CNTNAP5: variants seen among roughly 807,000 people sequenced by gnomAD.
The protein encoded by CNTNAP5 is contactin-associated protein-like 5.
Under a neutral mutation model 150.2 loss-of-function variants are expected in CNTNAP5, and 72 were observed. That is an observed-to-expected ratio of 0.48 (90% CI 0.40 to 0.58). CNTNAP5 has a LOEUF of 0.58. CNTNAP5 is among the 20% of genes least tolerant of loss of function. The probability of loss-of-function intolerance (pLI) is 0.00; values close to 1 mark genes in which losing one functional copy is unlikely to be tolerated. For missense variants in CNTNAP5, 1,636 were observed against 1,626.2 expected, an observed-to-expected ratio of 1.01 and a Z score of -0.10; for synonymous variants, 672 against 619.8, an observed-to-expected ratio of 1.08 and a Z score of -1.25.
At chr2:124,723,891 A>C (rs758033136) in intron 13 of CNTNAP5, among the ~76,000 whole-genome samples, 1 of 152,076 alleles carries the variant, frequency 6.6e-6, no homozygotes, top group Non-Finnish European at 1.5e-5. Context: ...CATGCCTGTA[A>C]TCCCAGCACT....
rs183506796 is a variant in CNTNAP5 at position 124,518,802 on chromosome 2, C to G, written c.1328-5501C>G. ...AGGAGTTCAAGACCAGCCTGGCCAACGTTATGAAACCCCATCTCTACTAAA... is the reference window on the plus strand; with the variant it reads ...AGGAGTTCAAGACCAGCCTGGCCAAGGTTATGAAACCCCATCTCTACTAAA... On this transcript the variant is annotated intron_variant, in intron 8 of 23. Transcript: ENST00000682447. 3.8e-3 allele frequency among the ~76,000 whole-genome samples: 571 copies of G among 151,852 alleles called. 2 individuals are homozygous for G. Among genetic ancestry groups the G allele is most frequent in the African/African-American group, 0.013 (543 of 41,390 alleles).
chr2:124,058,971 A>G (rs570785603), intron 1 of CNTNAP5, among the ~76,000 whole-genome samples: 1 of 152,130 alleles, frequency 6.6e-6, no homozygotes, highest in East Asian at 1.9e-4. Flanking sequence ...TGTATCACCA[A>G]CTCTGGTGAT....
At chr2:124,826,948 T>A (rs1682608020) in intron 19 of CNTNAP5, among the ~76,000 whole-genome samples, 1 of 151,942 alleles carries the variant, frequency 6.6e-6, no homozygotes, top group Admixed American at 6.6e-5. Context: ...TGAGACAGGG[T>A]CTTGTTCTGC....
At chr2:124,398,622 G>A (rs1211010708) in intron 3 of CNTNAP5, among the ~76,000 whole-genome samples, 1 of 152,012 alleles carries the variant, frequency 6.6e-6, no homozygotes, top group Non-Finnish European at 1.5e-5. Context: ...TCAGCCTTTG[G>A]AGTAGCTAGG....
intron 21 of CNTNAP5, among the ~76,000 whole-genome samples, chr2:124,884,372 CAT>C (rs1678036564): frequency 6.6e-6 from 1 of 151,980 alleles, no homozygotes; most frequent in Non-Finnish European, 1.5e-5. Context: ...CATGCATGTC[CAT>C]GTGTGTGCCC....
At chr2:124,200,332 G>C (rs955026867) in intron 1 of CNTNAP5, among the ~76,000 whole-genome samples, 1 of 151,984 alleles carries the variant, frequency 6.6e-6, no homozygotes, top group African/African-American at 2.4e-5. Context: ...CTAAATTACT[G>C]AGGTCTCTTA....
chr2:124,583,897 C>T (rs1696468326), intron 11 of CNTNAP5, among the ~76,000 whole-genome samples: 1 of 152,170 alleles, frequency 6.6e-6, no homozygotes, highest in Non-Finnish European at 1.5e-5. Flanking sequence ...AGGTCAATGA[C>T]AACAGGAAGT....
intron 8 of CNTNAP5, among the ~76,000 whole-genome samples, chr2:124,513,735 G>A (rs939505023): frequency 1.3e-5 from 2 of 152,180 alleles, no homozygotes; most frequent in African/African-American, 4.8e-5. Flanking sequence ...ATACTCAGGG[G>A]GGAGTACTAA....
intron 5 of CNTNAP5, among the ~76,000 whole-genome samples, chr2:124,436,163 T>G (rs1234270958): frequency 6.6e-6 from 1 of 152,236 alleles, no homozygotes; most frequent in East Asian, 1.9e-4. Context: ...GTACAGTTAC[T>G]ATTACTTATC....
At chr2:124,850,313 G>T (rs1683129404) in intron 19 of CNTNAP5, among the ~76,000 whole-genome samples, 2 of 152,126 alleles carry the variant, frequency 1.3e-5, no homozygotes, top group South Asian at 2.1e-4. Flanking sequence ...GATAAAATGG[G>T]TTCTAAATCC....
chr2:124,373,907 A>G (rs1690587610), intron 3 of CNTNAP5, among the ~76,000 whole-genome samples: 1 of 152,096 alleles, frequency 6.6e-6, no homozygotes, highest in South Asian at 2.1e-4. Context: ...ATTTATGAAT[A>G]ATTTTACATG....
At chr2:124,687,229 C>G (rs1488693317) in intron 13 of CNTNAP5, among the ~76,000 whole-genome samples, 1 of 151,786 alleles carries the variant, frequency 6.6e-6, no homozygotes, top group Non-Finnish European at 1.5e-5. Context: ...TTAAAAATCT[C>G]CCACACAAGT....
intron 14 of CNTNAP5, among the ~76,000 whole-genome samples, chr2:124,748,152 C>T (rs1212744749): frequency 6.6e-6 from 1 of 152,050 alleles, no homozygotes; most frequent in East Asian, 1.9e-4. Flanking sequence ...CCAATAAACA[C>T]ATAGCAAAGG....
intron 18 of CNTNAP5, among the ~76,000 whole-genome samples, chr2:124,796,896 G>A (rs1184931607): frequency 6.6e-6 from 1 of 152,188 alleles, no homozygotes; most frequent in Non-Finnish European, 1.5e-5. Context: ...CTCTGTTACT[G>A]TATAGAGATA....
intron 12 of CNTNAP5, among the ~76,000 whole-genome samples, chr2:124,616,490 ATCT>A (rs1356509686): frequency 6.6e-6 from 1 of 152,146 alleles, no homozygotes; most frequent in African/African-American, 2.4e-5. Flanking sequence ...GCCTGGCTTG[ATCT>A]TCTATTCAGC....
intron 19 of CNTNAP5, among the ~76,000 whole-genome samples, chr2:124,805,287 C>G (rs1184608325): frequency 6.6e-6 from 1 of 152,132 alleles, no homozygotes; most frequent in Non-Finnish European, 1.5e-5. Flanking sequence ...GGGAACTTCC[C>G]TGATGTCTCT....
At chr2:124,474,695 C>G in intron 6 of CNTNAP5, 44 bp from the exon 7 acceptor site, 1 of 1,479,912 alleles carries the variant, frequency 6.8e-7, no homozygotes, top group Non-Finnish European at 9.0e-7. Flanking sequence ...CCTAATCTTT[C>G]TGAGCTTAAA....
intron 3 of CNTNAP5, among the ~76,000 whole-genome samples, chr2:124,267,163 T>C (rs1687629936): frequency 6.6e-6 from 1 of 152,130 alleles, no homozygotes; most frequent in South Asian, 2.1e-4. Flanking sequence ...TGATACCTGA[T>C]GGGGTGTCCC....
At chr2:124,868,575 T>C (rs896520471) in intron 20 of CNTNAP5, among the ~76,000 whole-genome samples, 8 of 152,154 alleles carry the variant, frequency 5.3e-5, no homozygotes, top group African/African-American at 1.9e-4. Flanking sequence ...ACACCCCCCC[T>C]TATTCTTGCC....
Sources: gnomAD v4.1 joint callset for allele counts (sites outside exome capture counted in the v4.1 genomes callset) on GRCh38, gnomAD v4.1.1 for gene constraint, MANE v1.5 for transcripts, NCBI Gene and HGNC (gene_info 2026-07-23, HGNC 2026-07-21) for gene names.